Variants in ZFHX3 observed in about 807,000 individuals in gnomAD.
ZFHX3 encodes the protein zinc finger homeobox 3.
A neutral mutation model predicts 279.1 loss-of-function variants in ZFHX3; 42 were observed. The ratio of observed to expected loss-of-function variants is 0.15; its 90% CI spans 0.12 to 0.19. The LOEUF (loss-of-function observed/expected upper bound fraction) is 0.19. Among genes scored for constraint, ZFHX3 ranks in the 10% least tolerant of loss-of-function variants. The pLI is 1.00. For missense variants in ZFHX3, 4,981 were observed against 4,754.0 expected (o/e 1.05, Z -1.40); for synonymous variants, 2,293 against 1,957.8 (o/e 1.17, Z -4.52).
chr16:73,203,030 A>G (rs1597217881), intron 5 of ZFHX3, among the ~76,000 whole-genome samples: 1 of 145,180 alleles, frequency 6.9e-6, no homozygotes, highest in South Asian at 2.2e-4. Flanking sequence ...CTGAAGCATC[A>G]CCTCCTCCTG....
intron 3 of ZFHX3, among the ~76,000 whole-genome samples, chr16:73,446,318 G>A (rs1293020015): frequency 1.3e-5 from 2 of 152,162 alleles, no homozygotes; most frequent in African/African-American, 4.8e-5. Context: ...GTTCCTCAGG[G>A]CTGGGGAGGC....
chr16:72,905,058 T>C (rs1055287373), intron 3 of ZFHX3, among the ~76,000 whole-genome samples: 24 of 152,134 alleles, frequency 1.6e-4, no homozygotes, highest in African/African-American at 5.8e-4. Flanking sequence ...CAGGCTGGTC[T>C]CGAACTCCTA....
chr16:73,718,546 C>T (rs925833542), intron 1 of ZFHX3, among the ~76,000 whole-genome samples: 1 of 152,184 alleles, frequency 6.6e-6, no homozygotes, highest in African/African-American at 2.4e-5. Context: ...CTGGAATTCA[C>T]ATGGTGCTAC....
At chr16:73,703,237 C>T (rs963371152) in intron 1 of ZFHX3, among the ~76,000 whole-genome samples, 1 of 151,952 alleles carries the variant, frequency 6.6e-6, no homozygotes, top group Admixed American at 6.6e-5. Flanking sequence ...AAGGGTGCCT[C>T]CCCCTCCCAC....
At chr16:72,804,695 C>A (rs1333743345) in intron 7 of ZFHX3, among the ~76,000 whole-genome samples, 2 of 152,174 alleles carry the variant, frequency 1.3e-5, no homozygotes, top group Non-Finnish European at 2.9e-5. Flanking sequence ...GGACTAGTCT[C>A]CCACTCTGAC....
chr16:73,322,079 G>A (rs1034640281), intron 3 of ZFHX3, among the ~76,000 whole-genome samples: 3 of 152,182 alleles, frequency 2.0e-5, no homozygotes, highest in Non-Finnish European at 4.4e-5. Flanking sequence ...TCCCTCCGTC[G>A]ATCTGACTTT....
chr16:72,915,746 G>A (rs1355625781), intron 3 of ZFHX3, among the ~76,000 whole-genome samples: 1 of 149,902 alleles, frequency 6.7e-6, no homozygotes, highest in East Asian at 1.9e-4. Flanking sequence ...CTCTGTGACA[G>A]AGCAAGACTC....
chr16:73,146,383 G>A (rs1354510803), intron 5 of ZFHX3, among the ~76,000 whole-genome samples: 1 of 151,584 alleles, frequency 6.6e-6, no homozygotes, highest in Non-Finnish European at 1.5e-5. Context: ...AGCCGAGATC[G>A]AGCCACTGCA....
At chr16:73,053,781 A>T (rs1261137948) in intron 1 of ZFHX3, among the ~76,000 whole-genome samples, 1 of 152,156 alleles carries the variant, frequency 6.6e-6, no homozygotes, top group African/African-American at 2.4e-5. Flanking sequence ...TCTGAGCTGA[A>T]AGGCAAGGCG....
chr16:72,912,917 G>A (rs1263779603), intron 3 of ZFHX3, among the ~76,000 whole-genome samples: 2 of 152,070 alleles, frequency 1.3e-5, no homozygotes, highest in African/African-American at 4.8e-5. Flanking sequence ...TAGAGACGGG[G>A]TTTCACCACG....
rs145403783 is a variant in ZFHX3 at position 73,047,330 on chromosome 16, A to T, written c.-50+422T>A. 2.8e-4 allele frequency among the ~76,000 whole-genome samples: 42 copies of T among 151,920 alleles called. No individual in the cohort carries two copies. The East Asian group carries it at 8.2e-3, about 30-fold the overall frequency. ...TCCAAAGGTGCCCTCCAGCTCCAAA[A>T]CTCTGATTCTCCCTTTAATTACTCC... On this transcript the variant is annotated intron_variant, in intron 1 of 9. Coordinates refer to ENST00000268489, the MANE Select transcript of ZFHX3 (RefSeq NM_006885.4).
intron 1 of ZFHX3, among the ~76,000 whole-genome samples, chr16:73,718,670 CA>C (rs1331134172): frequency 1.3e-5 from 2 of 150,814 alleles, no homozygotes; most frequent in African/African-American, 4.9e-5. Flanking sequence ...GGCTGGAGTG[CA>C]GTGGCACAAT....
At chr16:73,593,822 G>C (rs1419715152) in intron 2 of ZFHX3, among the ~76,000 whole-genome samples, 1 of 152,140 alleles carries the variant, frequency 6.6e-6, no homozygotes, top group Non-Finnish European at 1.5e-5. Flanking sequence ...AATCAAAAAC[G>C]AGAGAACTTG....
chr16:73,430,497 C>G (rs1240863748), intron 3 of ZFHX3, among the ~76,000 whole-genome samples: 1 of 152,128 alleles, frequency 6.6e-6, no homozygotes, highest in African/African-American at 2.4e-5. Context: ...CAAAACAGAT[C>G]AAAAGAAAAT....
chr16:72,938,152 G>A, intron 3 of ZFHX3, among the ~76,000 whole-genome samples: 1 of 152,162 alleles, frequency 6.6e-6, no homozygotes, highest in Non-Finnish European at 1.5e-5. Context: ...CCGTGTGTGG[G>A]TACAGCAGCT....
rs573789834 is a variant in ZFHX3, at chr16:72,906,356, G to A, written c.3217-16394C>T. On this transcript the variant is annotated intron_variant, in intron 3 of 9. Transcript: ENST00000268489. ...AGAAACAGTGATGACACAGGAAGAA[G>A]CCGTGGTCGATGATCGCACTGGGGG... Among the ~76,000 whole-genome samples the A allele has an allele frequency of 8.5e-5, 13 of 152,172 alleles. No homozygotes were observed. In the South Asian group the frequency reaches 2.5e-3, roughly 29 times the overall value.
At chr16:73,122,630 C>G (rs886726125) in intron 7 of ZFHX3, among the ~76,000 whole-genome samples, 6 of 152,170 alleles carry the variant, frequency 3.9e-5, no homozygotes, top group African/African-American at 1.4e-4. Context: ...AGGGGATTCC[C>G]TGTAGACAAA....
chr16:73,636,112 G>T (rs1289270058), intron 2 of ZFHX3, among the ~76,000 whole-genome samples: 3 of 152,066 alleles, frequency 2.0e-5, no homozygotes, highest in African/African-American at 7.2e-5. Context: ...CATATTTTCA[G>T]ATCTGCTCCT....
intron 3 of ZFHX3, among the ~76,000 whole-genome samples, chr16:72,946,924 C>T (rs1199730331): frequency 3.3e-5 from 5 of 152,190 alleles, no homozygotes; most frequent in African/African-American, 1.2e-4. Context: ...CAAGTGCCTT[C>T]TGCATTTTTC....
Sources: allele counts gnomAD v4.1 joint callset (sites outside exome capture counted in the v4.1 genomes callset), GRCh38; gene constraint gnomAD v4.1.1; transcripts MANE v1.5; gene names NCBI Gene and HGNC (gene_info 2026-07-23, HGNC 2026-07-21).